EPC1: variants seen among roughly 807,000 people sequenced by gnomAD.
The protein encoded by EPC1 is enhancer of polycomb homolog 1.
In EPC1, 12 loss-of-function variants were observed where a neutral mutation model predicts 98.4. The observed-to-expected ratio is 0.12, with a 90% CI of 0.08 to 0.20. EPC1 has a LOEUF of 0.20. Ranked by LOEUF, EPC1 falls within the 10% of genes least tolerant of loss-of-function variation. The pLI is 1.00. For synonymous variants in EPC1, 357 were observed against 363.9 expected (o/e 0.98, Z 0.21); for missense variants, 729 against 990.5 (o/e 0.74, Z 3.54).
At chr10:32,367,780 T>C (rs1313073146) in intron 1 of EPC1, among the ~76,000 whole-genome samples, 3 of 152,238 alleles carry the variant, frequency 2.0e-5, no homozygotes, top group Non-Finnish European at 4.4e-5. Flanking sequence ...GTTTCTATCC[T>C]CTCAAATAAA....
At chr10:32,301,044 A>ATCTATCTG (rs1220435082) in intron 2 of EPC1, among the ~76,000 whole-genome samples, 1 of 107,350 alleles carries the variant, frequency 9.3e-6, no homozygotes, top group Non-Finnish European at 2.0e-5. Context: ...ATTTATATCT[A>ATCTATCTG]TCTATCTATC....
At chr10:32,313,426 G>C (rs1003777135) in intron 1 of EPC1, among the ~76,000 whole-genome samples, 3 of 152,150 alleles carry the variant, frequency 2.0e-5, no homozygotes, top group African/African-American at 7.2e-5. Context: ...AGATACTAAT[G>C]AAATCTAAAA....
chr10:32,271,747 C>T lies in EPC1; in HGVS notation c.2176G>A (p.Val726Ile), dbSNP rs758830646. ...VTAANSATTQ[V>I]LIGNNIRLTV... ...AATCGAATGTTGTTCCCAATCAGAA[C>T]CTGAGTTGTTGCAGAATTGGCAGCA... Residue 726 changes from valine to isoleucine, a missense_variant, in exon 13 of 14, where the codon GTT (valine) becomes ATT (isoleucine). Transcript: ENST00000319778. The T allele has an allele frequency of 6.2e-6, 10 of 1,614,008 alleles. No homozygotes were observed. The highest frequency in any genetic ancestry group is 5.0e-5 in the Admixed American group (3 of 59,990).
At position 32,287,227 on chromosome 10, in the gene EPC1, C is replaced by A; in HGVS notation, c.1023G>T (p.Lys341Asn). ...LIRPKRKYEK[K>N]PKVLPSSAAA... ...CGGCAGACGATGGTAAGACTTTGGG[C>A]TTCTTTTCATATTTCCGTTTCGGTC... The change falls in exon 7 of 14, where the codon AAG becomes AAT. Residue 341 changes from lysine (K) to asparagine (N), a missense_variant. Transcript: ENST00000319778. 1 of 1,614,148 alleles carries A rather than the reference C, an allele frequency of 6.2e-7. No homozygotes were observed. The highest frequency in any genetic ancestry group is 2.2e-5 in the East Asian group (1 of 44,886).
At chr10:32,296,215 G>A (rs760643868) in intron 2 of EPC1, among the ~76,000 whole-genome samples, 2 of 152,176 alleles carry the variant, frequency 1.3e-5, no homozygotes, top group African/African-American at 2.4e-5. Context: ...GATTACAGTC[G>A]TGAGCCACCG....
rs568202307 is a variant in EPC1 at position 32,273,173 on chromosome 10, T to C, written c.1853A>G (p.Asn618Ser). ...QQQANSNSST[N>S]TSQGFVSKTL... ...AGACAAATCCCTCACCTGTGATGTG[T>C]TGGTGGAGGAATTACTATTTGCTTG... Residue 618 changes from asparagine (N) to serine (S), a missense_variant, in exon 11 of 14, where the codon AAC (asparagine) becomes AGC (serine). Physicochemically the swap from Asn to Ser is conservative, Grantham distance 46. This residue lies in a region of EPC1 where 390 missense variants were observed against 438.6 expected (regional missense o/e 0.89). Transcript: ENST00000319778. 6 of 1,613,998 alleles carry C rather than the reference T, an allele frequency of 3.7e-6. No individual in the cohort carries two copies. The highest frequency in any genetic ancestry group is 2.2e-5 in the East Asian group (1 of 44,880).
intron 1 of EPC1, among the ~76,000 whole-genome samples, chr10:32,344,750 G>A (rs920438033): frequency 6.6e-6 from 1 of 152,218 alleles, no homozygotes; most frequent in South Asian, 2.1e-4. Flanking sequence ...TGCTGCCACT[G>A]CACTCCAGCC....
At chr10:32,341,553 A>G (rs1173040642) in intron 1 of EPC1, among the ~76,000 whole-genome samples, 2 of 152,214 alleles carry the variant, frequency 1.3e-5, no homozygotes, top group Non-Finnish European at 2.9e-5. Flanking sequence ...TCCTATTAAC[A>G]GAAAAAAATG....
intron 3 of EPC1, 98 bp downstream of exon 3, chr10:32,293,494 A>G: frequency 8.7e-7 from 1 of 1,145,508 alleles, no homozygotes. Context: ...CTAAAGCCTG[A>G]CTGATTACCC....
chr10:32,340,941 C>T (rs1838302086), intron 1 of EPC1, among the ~76,000 whole-genome samples: 1 of 152,122 alleles, frequency 6.6e-6, no homozygotes, highest in African/African-American at 2.4e-5. Flanking sequence ...GTTATCAATG[C>T]AAGTCACACT....
At chr10:32,338,450 T>C (rs1247598544) in intron 1 of EPC1, among the ~76,000 whole-genome samples, 1 of 152,310 alleles carries the variant, frequency 6.6e-6, no homozygotes, top group East Asian at 1.9e-4. Context: ...TCAGATCATG[T>C]CACTCCCTTA....
At chr10:32,361,225 C>G (rs1427001359) in intron 1 of EPC1, among the ~76,000 whole-genome samples, 1 of 152,212 alleles carries the variant, frequency 6.6e-6, no homozygotes, top group East Asian at 1.9e-4. Flanking sequence ...GTTTGAATCT[C>G]AGCTCTGCTT....
At position 32,272,062 on chromosome 10, in the gene EPC1, GCAC is replaced by G. The variant is rs764283983; in HGVS notation, c.1966_1968del (p.Val656del). 1.2e-6 allele frequency: 2 copies of G among 1,613,656 alleles called. No homozygotes were observed. The highest frequency in any genetic ancestry group is 2.7e-5 in the African/African-American group (2 of 74,896). On this transcript the variant is annotated inframe_deletion, in exon 12 of 14. Transcript: ENST00000319778. ...AGGACGCCATTCACCCCGATTCCAA[GCAC>G]CACATCATCCTTCATCTTGAATCCC...
intron 1 of EPC1, among the ~76,000 whole-genome samples, chr10:32,323,988 A>T (rs1331981109): frequency 3.9e-5 from 6 of 151,932 alleles, no homozygotes; most frequent in South Asian, 2.1e-4. Context: ...CAGGCTGGAG[A>T]GCAGTGGCGC....
At chr10:32,273,384 G>C in intron 10 of EPC1, 103 bp from the exon 11 acceptor site, 1 of 1,390,438 alleles carries the variant, frequency 7.2e-7, no homozygotes, top group Non-Finnish European at 9.6e-7. Flanking sequence ...CAAAATTGAA[G>C]CATCTGACAA....
intron 2 of EPC1, among the ~76,000 whole-genome samples, chr10:32,301,066 C>G (rs994092470): frequency 6.6e-6 from 1 of 152,036 alleles, no homozygotes; most frequent in African/African-American, 2.4e-5. Flanking sequence ...ATCTATCTAT[C>G]TATCTATCTA....
At chr10:32,292,356 A>G (rs1324908881) in intron 5 of EPC1, 140 bp downstream of exon 5, 1 of 579,864 alleles carries the variant, frequency 1.7e-6, no homozygotes, top group East Asian at 3.5e-5. Flanking sequence ...TATAAAAAGT[A>G]TCATACCACA....
At chr10:32,286,622 G>A in intron 9 of EPC1, 72 bp downstream of exon 9, 1 of 1,548,492 alleles carries the variant, frequency 6.5e-7, no homozygotes. Flanking sequence ...GGGATTACCT[G>A]ACTTTAAAAG....
chr10:32,346,655 CGAAGA>C, intron 1 of EPC1, 103 bp downstream of exon 1: 3 of 1,102,670 alleles, frequency 2.7e-6, no homozygotes, highest in South Asian at 2.9e-5. Flanking sequence ...GAGTCGGCGG[CGAAGA>C]GAAGATGGCG....
Sources: allele counts gnomAD v4.1 joint callset (sites outside exome capture counted in the v4.1 genomes callset), GRCh38; gene constraint gnomAD v4.1.1; regional missense constraint gnomAD v4.1.1; transcripts MANE v1.5; gene names NCBI Gene and HGNC (gene_info 2026-07-23, HGNC 2026-07-21).